CFAP299: variants seen among roughly 807,000 people sequenced by gnomAD.
CFAP299 encodes cilia- and flagella-associated protein 299.
A neutral mutation model predicts 27.0 loss-of-function variants in CFAP299; 21 were observed. That is an observed-to-expected ratio of 0.78 (90% CI 0.55 to 1.12). CFAP299 has a LOEUF of 1.12. Among genes scored for constraint, CFAP299 ranks in the 50% most tolerant of loss-of-function variants. CFAP299 has a pLI of 0.00. For synonymous variants in CFAP299, 104 were observed against 98.1 expected, an observed-to-expected ratio of 1.06 and a Z score of -0.36; for missense variants, 310 against 276.6, an observed-to-expected ratio of 1.12 and a Z score of -0.86.
At chr4:80,594,977 T>G (rs1373553144) in intron 3 of CFAP299, among the ~76,000 whole-genome samples, 2 of 152,152 alleles carry the variant, frequency 1.3e-5, no homozygotes, top group African/African-American at 2.4e-5. Flanking sequence ...ATGGCAGGCC[T>G]TGCTTTTTGG....
chr4:80,512,849 CTCTT>C (rs761018687), intron 2 of CFAP299, among the ~76,000 whole-genome samples: 1 of 151,984 alleles, frequency 6.6e-6, no homozygotes, highest in African/African-American at 2.4e-5. Flanking sequence ...TATAGTATCT[CTCTT>C]TCTCTATATT....
At chr4:80,810,182 T>C (rs1208673984) in intron 3 of CFAP299, among the ~76,000 whole-genome samples, 1 of 152,080 alleles carries the variant, frequency 6.6e-6, no homozygotes. Context: ...AATGTTTTAA[T>C]TATTTTTTGA....
At chr4:80,382,583 A>G (rs567415743) in intron 2 of CFAP299, among the ~76,000 whole-genome samples, 9 of 152,230 alleles carry the variant, frequency 5.9e-5, no homozygotes, top group Non-Finnish European at 1.0e-4. Context: ...GGATATGAAA[A>G]AAGGCTCATA....
chr4:80,625,248 A>C (rs1261592451), intron 3 of CFAP299, among the ~76,000 whole-genome samples: 1 of 151,944 alleles, frequency 6.6e-6, no homozygotes, highest in Non-Finnish European at 1.5e-5. Context: ...TGGTTTGGGG[A>C]GTGGAGTAAA....
In CFAP299 at chr4:80,414,064, C is replaced by CTTT. The variant is rs1170153950; in HGVS notation, c.242+51202_242+51204dup. Among the ~76,000 whole-genome samples the CTTT allele has an allele frequency of 3.2e-3, 199 of 62,384 alleles. 4 individuals carry two copies. The highest frequency in any genetic ancestry group is 9.4e-3 in the African/African-American group (182 of 19,462). 40.9% of individuals were successfully genotyped at this position (62,384 alleles called of 152,430 possible). ...GCATGCAAGAAACAAATGGGTATTT[C>CTTT]TTTTTTTTTTTTTTTTTTTTTTTTG... is the stretch of plus-strand genomic sequence containing the variant. On this transcript the variant is annotated intron_variant, in intron 2 of 5. Coordinates refer to ENST00000358105, the MANE Select transcript of CFAP299 (RefSeq NM_152770.3).
At chr4:80,581,792 C>G (rs551790534) in intron 2 of CFAP299, among the ~76,000 whole-genome samples, 1 of 151,838 alleles carries the variant, frequency 6.6e-6, no homozygotes, top group Admixed American at 6.6e-5. Flanking sequence ...CTCCTACAGG[C>G]TACCTTTTTC....
At chr4:80,423,751 C>T (rs1727403709) in intron 2 of CFAP299, among the ~76,000 whole-genome samples, 1 of 152,110 alleles carries the variant, frequency 6.6e-6, no homozygotes, top group Non-Finnish European at 1.5e-5. Context: ...ATTGGGCTGC[C>T]AGAATGGTGC....
At chr4:80,428,008 A>T (rs1212974360) in intron 2 of CFAP299, among the ~76,000 whole-genome samples, 2 of 152,218 alleles carry the variant, frequency 1.3e-5, no homozygotes, top group Non-Finnish European at 2.9e-5. Context: ...AACAGCTCTT[A>T]ATTTCAACCT....
chr4:80,885,759 CT>C (rs1277566576), intron 4 of CFAP299, among the ~76,000 whole-genome samples: 1 of 152,176 alleles, frequency 6.6e-6, no homozygotes, highest in African/African-American at 2.4e-5. Context: ...CTGAGAAGTT[CT>C]GACTTCAGGG....
intron 3 of CFAP299, among the ~76,000 whole-genome samples, chr4:80,844,238 G>C (rs1169188790): frequency 2.6e-5 from 4 of 152,246 alleles, no homozygotes; most frequent in African/African-American, 9.6e-5. Context: ...CTTTATAGCA[G>C]CATGATTTAT....
chr4:80,810,426 A>G (rs958779924), intron 3 of CFAP299, among the ~76,000 whole-genome samples: 6 of 151,922 alleles, frequency 3.9e-5, no homozygotes, highest in African/African-American at 1.2e-4. Context: ...TTATTTGAAA[A>G]TAGGGTCTTT....
chr4:80,619,506 A>G (rs920628229), intron 3 of CFAP299, among the ~76,000 whole-genome samples: 2 of 152,140 alleles, frequency 1.3e-5, no homozygotes, highest in African/African-American at 4.8e-5. Context: ...AAGAGCAGAA[A>G]ACATAAATTT....
At chr4:80,337,777 T>C (rs1722224928) in intron 1 of CFAP299, among the ~76,000 whole-genome samples, 1 of 152,190 alleles carries the variant, frequency 6.6e-6, no homozygotes, top group African/African-American at 2.4e-5. Context: ...AATTTACTTT[T>C]ATATTTGGCA....
At chr4:80,806,228 G>A (rs978421061) in intron 3 of CFAP299, among the ~76,000 whole-genome samples, 1 of 152,094 alleles carries the variant, frequency 6.6e-6, no homozygotes, top group Non-Finnish European at 1.5e-5. Flanking sequence ...CTATTAAAGG[G>A]ATTAATCCAT....
intron 2 of CFAP299, among the ~76,000 whole-genome samples, chr4:80,397,359 G>GT (rs928309018): frequency 4.6e-5 from 7 of 151,904 alleles, no homozygotes; most frequent in African/African-American, 7.3e-5. Context: ...TTTTTGAAGG[G>GT]TTTTTTTGCG....
chr4:80,430,936 C>T (rs560897818), intron 2 of CFAP299, among the ~76,000 whole-genome samples: 5 of 152,192 alleles, frequency 3.3e-5, no homozygotes, highest in Admixed American at 2.6e-4. Context: ...TTGTGGGAAC[C>T]TTTTCTTCCA....
intron 3 of CFAP299, among the ~76,000 whole-genome samples, chr4:80,701,529 G>A (rs1011369947): frequency 2.0e-5 from 3 of 151,686 alleles, no homozygotes; most frequent in African/African-American, 4.8e-5. Flanking sequence ...CTTATTCAGA[G>A]CCTACTCAGA....
Position 80,930,086 on chromosome 4 carries a change from C to T in CFAP299, c.477-14724C>T, listed in dbSNP as rs183005528. On this transcript the variant is annotated intron_variant, in intron 4 of 5. Coordinates refer to ENST00000358105, the MANE Select transcript of CFAP299 (RefSeq NM_152770.3). Reference sequence around the variant, plus strand: ...GGGATTTTCAGTCCCATCCCCGCCCCTTACAACAACCTCTAGAAAAGGGAG... The same window carrying T: ...GGGATTTTCAGTCCCATCCCCGCCCTTTACAACAACCTCTAGAAAAGGGAG... 3.7e-4 allele frequency among the ~76,000 whole-genome samples: 56 copies of T among 152,244 alleles called. No homozygotes were observed. In the East Asian group the frequency reaches 3.9e-3, roughly 11 times the overall value.
chr4:80,416,980 A>G (rs1293613197), intron 2 of CFAP299, among the ~76,000 whole-genome samples: 1 of 152,194 alleles, frequency 6.6e-6, no homozygotes, highest in Non-Finnish European at 1.5e-5. Flanking sequence ...AGGAACAAGG[A>G]ATGGCTACTC....
Sources: allele counts gnomAD v4.1 joint callset (sites outside exome capture counted in the v4.1 genomes callset), GRCh38; gene constraint gnomAD v4.1.1; transcripts MANE v1.5; gene names NCBI Gene and HGNC (gene_info 2026-07-23, HGNC 2026-07-21).